Variants in DYNC2H1 observed in about 807,000 individuals in gnomAD.
The protein encoded by DYNC2H1 is cytoplasmic dynein 2 heavy chain 1.
Under a neutral mutation model 570.0 loss-of-function variants are expected in DYNC2H1, and 410 were observed. That is an observed-to-expected ratio of 0.72 (90% CI 0.66 to 0.78). The LOEUF (loss-of-function observed/expected upper bound fraction) is 0.78. Among genes scored for constraint, DYNC2H1 ranks in the 30% least tolerant of loss-of-function variants. DYNC2H1 has a pLI of 0.00. For synonymous variants in DYNC2H1, 1,688 were observed against 1,677.6 expected, an observed-to-expected ratio of 1.01 and a Z score of -0.15; for missense variants, 4,865 against 5,046.4, an observed-to-expected ratio of 0.96 and a Z score of 1.09.
chr11:103,229,883 G>C (rs1863940291), intron 59 of DYNC2H1, among the ~76,000 whole-genome samples: 2 of 152,124 alleles, frequency 1.3e-5, no homozygotes, highest in Admixed American at 1.3e-4. Flanking sequence ...TACTAGACTA[G>C]AAATAGTTTT....
In DYNC2H1 at chr11:103,334,348, G is replaced by T. The variant is rs1198912472; in HGVS notation, c.12039+10358G>T. On this transcript the variant is annotated intron_variant, in intron 82 of 88. Transcript: ENST00000375735. The surrounding 1 kb of genome is among the most constrained non-coding windows in gnomAD (Gnocchi z 4.3). ...ATTTAGGTATTTCTGGCACGGATAG[G>T]GTAGAACAGAATTTGGCTACAAGGA... Among the ~76,000 whole-genome samples the T allele has an allele frequency of 6.6e-6, 1 of 151,970 alleles. No homozygotes were observed. Among genetic ancestry groups the T allele is most frequent in the Non-Finnish European group, 1.5e-5 (1 of 67,970 alleles).
chr11:103,286,491 T>A, intron 74 of DYNC2H1, 105 bp downstream of exon 74: 1 of 1,324,390 alleles, frequency 7.6e-7, no homozygotes. Flanking sequence ...ACTTTACCTT[T>A]AATGGCGTAT....
chr11:103,258,893 A>G (rs1865163297), intron 69 of DYNC2H1, among the ~76,000 whole-genome samples: 1 of 152,176 alleles, frequency 6.6e-6, no homozygotes. Context: ...TCCAAGTCTC[A>G]ATTTCATATG....
chr11:103,174,898 C>T (rs1591360826), intron 36 of DYNC2H1, among the ~76,000 whole-genome samples: 1 of 112,282 alleles, frequency 8.9e-6, no homozygotes, highest in East Asian at 2.8e-4. Context: ...CTCAGAGTGG[C>T]AAGGAAAGGA....
chr11:103,318,159 T>C (rs992955232), intron 80 of DYNC2H1, among the ~76,000 whole-genome samples: 5 of 152,170 alleles, frequency 3.3e-5, no homozygotes, highest in African/African-American at 1.2e-4. Context: ...ATGAAGTATA[T>C]GGACAAAAAG....
At chr11:103,246,099 T>C (rs905945054) in intron 65 of DYNC2H1, among the ~76,000 whole-genome samples, 3 of 152,108 alleles carry the variant, frequency 2.0e-5, no homozygotes, top group Non-Finnish European at 2.9e-5. Context: ...TGATATGTTA[T>C]GAGAACTCAA....
chr11:103,214,679 G>A (rs1001701283), intron 54 of DYNC2H1, among the ~76,000 whole-genome samples: 4 of 151,820 alleles, frequency 2.6e-5, no homozygotes, highest in Admixed American at 2.0e-4. Flanking sequence ...CTGACCTCAA[G>A]TGATCCACCC....
intron 82 of DYNC2H1, among the ~76,000 whole-genome samples, chr11:103,333,485 C>T (rs555507643): frequency 9.9e-5 from 15 of 152,248 alleles, no homozygotes; most frequent in Admixed American, 3.9e-4. Context: ...AGGATGGTCT[C>T]GATCTCCTGA....
intron 70 of DYNC2H1, among the ~76,000 whole-genome samples, chr11:103,272,270 G>A (rs2135310980): frequency 6.6e-6 from 1 of 152,316 alleles, no homozygotes; most frequent in African/African-American, 2.4e-5. Flanking sequence ...CATGTCCTTT[G>A]TAGGGACATG....
Position 103,321,031 on chromosome 11 carries a change from G to A in DYNC2H1, c.11728G>A (p.Ala3910Thr). The change falls in exon 81 of 89, where the codon GCC becomes ACC. Residue 3910 changes from alanine to threonine, a missense_variant and splice_region_variant. By Grantham distance (58) the Ala-to-Thr change is moderately conservative. This residue lies in a region of DYNC2H1 where 2,401 missense variants were observed against 2,454.6 expected (regional missense o/e 0.98). Transcript: ENST00000375735. ...YNIIDRLFDG[A>T]KDVQWEFVHG... ...TGAGTGTTTTTTTAAAATTATAGGT[G>A]CCAAAGATGTACAATGGGAATTTGT... 1.2e-6 allele frequency: 2 copies of A among 1,603,202 alleles called. No individual in the cohort carries two copies. The highest frequency in any genetic ancestry group is 1.7e-6 in the Non-Finnish European group (2 of 1,175,196).
intron 85 of DYNC2H1, among the ~76,000 whole-genome samples, chr11:103,453,898 TATA>T (rs748345840): frequency 5.3e-5 from 8 of 151,926 alleles, no homozygotes; most frequent in African/African-American, 7.2e-5. Context: ...ATATGCTATG[TATA>T]ATATTATTTA....
chr11:103,211,409 G>A (rs1235023074), intron 53 of DYNC2H1, among the ~76,000 whole-genome samples: 2 of 151,962 alleles, frequency 1.3e-5, no homozygotes. Context: ...TAGGTATTTT[G>A]TGTATTGCTT....
At chr11:103,374,778 A>G (rs961093067) in intron 83 of DYNC2H1, among the ~76,000 whole-genome samples, 2 of 152,200 alleles carry the variant, frequency 1.3e-5, no homozygotes, top group African/African-American at 2.4e-5. Context: ...AGAAATTTCT[A>G]AACAGCAAAG....
intron 84 of DYNC2H1, among the ~76,000 whole-genome samples, chr11:103,401,107 A>G (rs1709133245): frequency 6.6e-6 from 1 of 152,208 alleles, no homozygotes; most frequent in Non-Finnish European, 1.5e-5. Flanking sequence ...TAATCATCAC[A>G]GTAACATCTT....
chr11:103,255,885 GATA>G lies in DYNC2H1; in HGVS notation c.10327-218_10327-216del, dbSNP rs1425471109. 2.6e-5 allele frequency among the ~76,000 whole-genome samples: 4 copies of G among 151,788 alleles called. No homozygotes were observed. In the East Asian group the frequency reaches 7.7e-4, roughly 29 times the overall value. ...ACAAAATTAATACCTTGCTATGTTT[GATA>G]ATGATATAATTTCTTAAAATAATTT... On this transcript the variant is annotated intron_variant, in intron 67 of 88. Transcript: ENST00000375735.
Position 103,173,989 on chromosome 11 carries a change from G to A in DYNC2H1, c.5559-66G>A, listed in dbSNP as rs921611552. ...TCAGTGTTATATTCTGTATTTCTTTGGATGTTATGATGAAAGTAATTTCTT... is the reference window on the plus strand; with the variant it reads ...TCAGTGTTATATTCTGTATTTCTTTAGATGTTATGATGAAAGTAATTTCTT... On this transcript the variant is annotated intron_variant, in intron 35 of 88. Transcript: ENST00000375735. 13 of 1,103,934 alleles carry A rather than the reference G, an allele frequency of 1.2e-5. No homozygotes were observed. The African/African-American group carries it at 1.3e-4, about 11-fold the overall frequency. The allele number at this position is 1,103,934 out of a possible 1,614,324, so 68.4% of individuals were successfully genotyped here. A position where few individuals can be genotyped will look rare whatever the true frequency, so the allele number is the denominator to read the frequency against.
At chr11:103,346,633 A>G (rs313415) in intron 82 of DYNC2H1, among the ~76,000 whole-genome samples, 49,971 of 151,478 alleles carry the variant, frequency 0.33, 9,695 homozygotes, top group Non-Finnish European at 0.43. Flanking sequence ...CTAATATCAT[A>G]GACTTGATTT....
intron 25 of DYNC2H1, 27 bp from the exon 26 acceptor site, chr11:103,156,360 AT>A (rs1429006567): frequency 6.3e-7 from 1 of 1,581,926 alleles, no homozygotes. Context: ...TGTTGAAGTA[AT>A]AAACATGGAT....
chr11:103,224,520 ATACTT>A (rs1863729136), intron 59 of DYNC2H1, among the ~76,000 whole-genome samples: 2 of 152,282 alleles, frequency 1.3e-5, no homozygotes, highest in Middle Eastern at 3.4e-3. Context: ...CATTCCTGAG[ATACTT>A]TACTTAGAAT....
Sources: allele counts gnomAD v4.1 joint callset (sites outside exome capture counted in the v4.1 genomes callset), GRCh38; gene constraint gnomAD v4.1.1; regional missense constraint gnomAD v4.1.1; non-coding constraint Gnocchi (gnomAD v3.1); transcripts MANE v1.5; gene names NCBI Gene and HGNC (gene_info 2026-07-23, HGNC 2026-07-21).